AHCYL2: variants seen among roughly 807,000 people sequenced by gnomAD.
AHCYL2 encodes the protein adenosylhomocysteinase like 2.
Under a neutral mutation model 81.4 loss-of-function variants are expected in AHCYL2, and 28 were observed. That is an observed-to-expected ratio of 0.34 (90% CI 0.25 to 0.47). The LOEUF (loss-of-function observed/expected upper bound fraction) is 0.47. Among genes scored for constraint, AHCYL2 ranks in the 20% least tolerant of loss-of-function variants. The probability of loss-of-function intolerance (pLI) is 1.00; values close to 1 mark genes in which losing one functional copy is unlikely to be tolerated. For synonymous variants in AHCYL2, 272 were observed against 290.2 expected, an observed-to-expected ratio of 0.94 and a Z score of 0.64; for missense variants, 551 against 785.1, an observed-to-expected ratio of 0.70 and a Z score of 3.56.
intron 1 of AHCYL2, among the ~76,000 whole-genome samples, chr7:129,277,279 T>G (rs2694588): frequency 0.73 from 92,651 of 126,490 alleles, 30,990 homozygotes; most frequent in Non-Finnish European, 0.78. Flanking sequence ...AGTCTCTCTC[T>G]TTTTTTTTTT....
chr7:129,343,545 T>C (rs1159428541), intron 1 of AHCYL2, among the ~76,000 whole-genome samples: 1 of 152,148 alleles, frequency 6.6e-6, no homozygotes, highest in African/African-American at 2.4e-5. Context: ...ACCTATAGAA[T>C]GAACTGGATT....
At chr7:129,305,934 A>T (rs993382661) in intron 1 of AHCYL2, among the ~76,000 whole-genome samples, 1 of 152,160 alleles carries the variant, frequency 6.6e-6, no homozygotes, top group Admixed American at 6.6e-5. Flanking sequence ...CCTGGCCTGT[A>T]AGGTTTCCAC....
At chr7:129,284,959 G>C (rs1429031543) in intron 1 of AHCYL2, among the ~76,000 whole-genome samples, 3 of 152,124 alleles carry the variant, frequency 2.0e-5, no homozygotes, top group Admixed American at 6.5e-5. Context: ...TCTGTTTTCT[G>C]CTACAATATT....
intron 1 of AHCYL2, among the ~76,000 whole-genome samples, chr7:129,372,481 C>G (rs1483141595): frequency 1.3e-5 from 2 of 152,144 alleles, no homozygotes; most frequent in Non-Finnish European, 2.9e-5. Context: ...GAATTAGACC[C>G]AGTTTTCTTT....
chr7:129,229,870 A>G (rs71577835), intron 1 of AHCYL2, among the ~76,000 whole-genome samples: 3,749 of 152,312 alleles, frequency 0.025, 76 homozygotes, highest in Admixed American at 0.057. Flanking sequence ...AAATTTATCC[A>G]TATTTTAAAA....
In AHCYL2 at chr7:129,426,345, G is replaced by C; in HGVS notation, c.1709-98G>C. 6.4e-7 allele frequency: 1 copy of C among 1,567,574 alleles called. No individual in the cohort carries two copies. Among genetic ancestry groups the C allele is most frequent in the East Asian group, 2.2e-5 (1 of 44,644 alleles). On this transcript the variant is annotated intron_variant, in intron 15 of 16. Transcript: ENST00000325006. The surrounding 1 kb of genome is among the most constrained non-coding windows in gnomAD (Gnocchi z 4.3). ...ATTTTTCATTCAGCTCCAGGAATTA[G>C]AAGGTGTCTTTGAACTTTTTAAGGC...
intron 1 of AHCYL2, among the ~76,000 whole-genome samples, chr7:129,372,977 C>T (rs184661795): frequency 2.4e-4 from 37 of 152,246 alleles, no homozygotes; most frequent in Admixed American, 3.9e-4. Flanking sequence ...GCTTTACTCA[C>T]GCTTGGAGAA....
intron 1 of AHCYL2, among the ~76,000 whole-genome samples, chr7:129,366,175 A>G (rs1314673156): frequency 6.6e-6 from 1 of 151,986 alleles, no homozygotes; most frequent in Admixed American, 6.5e-5. Flanking sequence ...CTATGACCAC[A>G]GCTTCCTTTA....
intron 1 of AHCYL2, among the ~76,000 whole-genome samples, chr7:129,295,080 A>G (rs972151704): frequency 2.0e-5 from 3 of 152,282 alleles, no homozygotes; most frequent in Non-Finnish European, 2.9e-5. Flanking sequence ...ACTCAAAGAA[A>G]TAGCATCTGT....
chr7:129,354,671 G>T (rs532209484), intron 1 of AHCYL2, among the ~76,000 whole-genome samples: 1 of 152,290 alleles, frequency 6.6e-6, no homozygotes, highest in Non-Finnish European at 1.5e-5. Context: ...ACACTACAAT[G>T]TCAGCATTGC....
intron 11 of AHCYL2, among the ~76,000 whole-genome samples, chr7:129,412,575 C>T (rs1796531101): frequency 6.6e-6 from 1 of 152,026 alleles, no homozygotes. Context: ...GCCACTGCGC[C>T]TGGCTGGAAT....
chr7:129,386,868 A>T (rs1463034836), intron 2 of AHCYL2, among the ~76,000 whole-genome samples: 1 of 152,222 alleles, frequency 6.6e-6, no homozygotes, highest in African/African-American at 2.4e-5. Flanking sequence ...ATAAACTGCT[A>T]AATGATTATG....
At chr7:129,424,728 G>A in intron 13 of AHCYL2, 146 bp from the exon 14 acceptor site, 1 of 752,544 alleles carries the variant, frequency 1.3e-6, no homozygotes, top group South Asian at 1.6e-5. Flanking sequence ...CAGTCAGTTA[G>A]TTCTTATATA....
rs142524459 is a variant in AHCYL2, at chr7:129,304,885, G to A, written c.364-74753G>A. Among the ~76,000 whole-genome samples the A allele has an allele frequency of 3.3e-3, 489 of 150,222 alleles. 1 individual carries two copies. The highest frequency in any genetic ancestry group is 4.2e-3 in the Non-Finnish European group (285 of 67,682). Reference sequence around the variant, plus strand: ...GGAGTTTAGTCCATTTACATTCAATGTTATTATTAATAAGTAGGGACTTAC... The same window carrying A: ...GGAGTTTAGTCCATTTACATTCAATATTATTATTAATAAGTAGGGACTTAC... On this transcript the variant is annotated intron_variant, in intron 1 of 16. Transcript: ENST00000325006.
At position 129,225,208 on chromosome 7, in the gene AHCYL2, G is replaced by A. The variant is rs1185383825; in HGVS notation, c.132G>A (p.Pro44=). The change falls in exon 1 of 17, where the codon CCG becomes CCA. Residue 44 remains proline, a synonymous_variant. Transcript: ENST00000325006. The part of the protein sequence containing the change: ...STAAVGAMAP[P]AGGGDPEAPA... The stretch of plus-strand genomic sequence containing the variant: ...CCGCCGTGGGCGCCATGGCCCCCCC[G>A]GCGGGCGGTGGAGACCCTGAGGCTC... The A allele has an allele frequency of 2.6e-6, 4 of 1,540,506 alleles. No homozygotes were observed. The African/African-American group carries it at 4.2e-5, about 16-fold the overall frequency.
chr7:129,400,205 G>A (rs1196406070), intron 5 of AHCYL2, 85 bp from the exon 6 acceptor site: 3 of 1,240,276 alleles, frequency 2.4e-6, no homozygotes, highest in East Asian at 2.3e-5. Flanking sequence ...TTGGAAATTA[G>A]GAAAAACCAG....
At chr7:129,408,241 G>A (rs1796394130) in intron 10 of AHCYL2, among the ~76,000 whole-genome samples, 1 of 152,192 alleles carries the variant, frequency 6.6e-6, no homozygotes, top group African/African-American at 2.4e-5. Flanking sequence ...GATTTAGAAA[G>A]ATGTAAACCT....
Position 129,289,309 on chromosome 7 carries a change from C to T in AHCYL2, c.363+63870C>T, listed in dbSNP as rs527451955. Reference sequence around the variant, plus strand: ...ATCTCACTATGTTGCCTAGGCTCGTCTTGAACTCCTGGGTTCAAGCAGTCC... The same window carrying T: ...ATCTCACTATGTTGCCTAGGCTCGTTTTGAACTCCTGGGTTCAAGCAGTCC... On this transcript the variant is annotated intron_variant, in intron 1 of 16. Coordinates refer to ENST00000325006, the MANE Select transcript of AHCYL2 (RefSeq NM_015328.4). Among the ~76,000 whole-genome samples, 52 of 152,326 alleles carry T rather than the reference C, an allele frequency of 3.4e-4. No homozygotes were observed. The South Asian group carries it at 0.011, about 32-fold the overall frequency.
rs1225093732 is a variant in AHCYL2 at position 129,225,280 on chromosome 7, G to A, written c.204G>A (p.Gly68=). 3.4e-6 allele frequency: 5 copies of A among 1,455,174 alleles called. No homozygotes were observed. The South Asian group carries it at 6.8e-5, about 20-fold the overall frequency. The allele number at this position is 1,455,174 out of a possible 1,614,324, so 90.1% of individuals were successfully genotyped here. A position where few individuals can be genotyped will look rare whatever the true frequency, so the allele number is the denominator to read the frequency against. The stretch of plus-strand genomic sequence containing the variant: ...CCCCGGTCCCCGGCCCGGGCTCGGG[G>A]CCCGCCGCCGCTCTCAGCCCCGCCG... ...ERPPVPGPGS[G]PAAALSPAAG... The change falls in exon 1 of 17, where the codon GGG becomes GGA. Residue 68 remains glycine (G), a synonymous_variant. Transcript: ENST00000325006.
Sources: allele counts gnomAD v4.1 joint callset (sites outside exome capture counted in the v4.1 genomes callset), GRCh38; gene constraint gnomAD v4.1.1; non-coding constraint Gnocchi (gnomAD v3.1); transcripts MANE v1.5; gene names NCBI Gene and HGNC (gene_info 2026-07-23, HGNC 2026-07-21).